The following CAST variants were observed in gnomAD, a reference collection of about 807,000 sequenced individuals.
CAST encodes the protein MIR583 host.
CAST carries 76 observed loss-of-function variants against 119.6 expected under a neutral mutation model. The observed-to-expected ratio is 0.64, with a 90% CI of 0.53 to 0.77. The LOEUF is 0.77. Among genes scored for constraint, CAST ranks in the 30% least tolerant of loss-of-function variants. The pLI is 0.00. For synonymous variants in CAST, 319 were observed against 331.6 expected, an observed-to-expected ratio of 0.96 and a Z score of 0.41; for missense variants, 953 against 946.5, an observed-to-expected ratio of 1.01 and a Z score of -0.09.
chr5:96,610,219 T>C (rs1041908791), intron 1 of CAST, among the ~76,000 whole-genome samples: 1 of 152,218 alleles, frequency 6.6e-6, no homozygotes, highest in Non-Finnish European at 1.5e-5. Context: ...TCCACCATGA[T>C]TGTGAGGCCT....
intron 29 of CAST, chr5:96,768,271 G>A: frequency 4.6e-6 from 2 of 433,302 alleles, no homozygotes; most frequent in Non-Finnish European, 8.6e-6. Flanking sequence ...TTTTTGTAGA[G>A]AGGGGGTTTC....
chr5:96,248,133 A>G, the CAST span: 16 of 152,374 alleles, frequency 1.1e-4, no homozygotes, highest in Admixed American at 9.8e-4. Flanking sequence ...GTTGTCACCA[A>G]GCATTCTTGG....
intron 1 of CAST, among the ~76,000 whole-genome samples, chr5:96,614,516 T>C (rs534610759): frequency 6.6e-6 from 1 of 152,286 alleles, no homozygotes; most frequent in South Asian, 2.1e-4. Context: ...TTTAGGTACT[T>C]AACCAAGAAA....
chr5:96,021,600 C>T, the CAST span, among the ~76,000 whole-genome samples: 980 of 152,220 alleles, frequency 6.4e-3, 9 homozygotes, highest in African/African-American at 0.022. Flanking sequence ...CGCCCGCCAC[C>T]ACGCCCAGCT....
At chr5:96,695,544 G>A (rs374208525) in intron 2 of CAST, among the ~76,000 whole-genome samples, 5 of 152,142 alleles carry the variant, frequency 3.3e-5, no homozygotes, top group African/African-American at 9.7e-5. Context: ...GCACTGTAAG[G>A]GTGAGTGAAG....
At chr5:96,393,223 C>A in the CAST span, 2 of 1,613,852 alleles carry the variant, frequency 1.2e-6, no homozygotes, top group Non-Finnish European at 1.7e-6. Flanking sequence ...ATTGCTTTGG[C>A]GGTGAGTTTT....
At chr5:96,219,023 A>G in the CAST span, among the ~76,000 whole-genome samples, 1 of 152,182 alleles carries the variant, frequency 6.6e-6, no homozygotes, top group Non-Finnish European at 1.5e-5. Flanking sequence ...GTGAGGAATA[A>G]ATGAAGCTGT....
chr5:96,191,643 C>T, the CAST span, among the ~76,000 whole-genome samples: 1 of 152,190 alleles, frequency 6.6e-6, no homozygotes, highest in Non-Finnish European at 1.5e-5. Flanking sequence ...TCACCAGGCT[C>T]ACTGCAACCT....
rs1267067922 is a variant in CAST at position 96,561,796 on chromosome 5, G to GTTTTTTTGTTTTTTTTTTTT, written c.60+31923_60+31924insGTTTTTTTTTTTTTTTTTTT. Among the ~76,000 whole-genome samples the GTTTTTTTGTTTTTTTTTTTT allele has an allele frequency of 6.2e-4, 60 of 97,398 alleles. 1 individual carries two copies. The highest frequency in any genetic ancestry group is 1.2e-3 in the African/African-American group (31 of 26,028). The allele number at this position is 97,398 out of a possible 152,430, so 63.9% of individuals were successfully genotyped here. A position where few individuals can be genotyped will look rare whatever the true frequency, so the allele number is the denominator to read the frequency against. ...GTGTATTATATATATGTTTTTTTTTGTTTTTTTTTTTTTTGAGACGGAGTC... is the reference window on the plus strand; with the variant it reads ...GTGTATTATATATATGTTTTTTTTTGTTTTTTTGTTTTTTTTTTTTTTTTTTTTTTTTTTGAGACGGAGTC... On this transcript the variant is annotated intron_variant, in intron 1 of 11. Coordinates refer to the CAST transcript ENST00000505143.
the CAST span, among the ~76,000 whole-genome samples, chr5:96,233,604 T>C: frequency 2.0e-5 from 3 of 152,158 alleles, no homozygotes; most frequent in African/African-American, 7.2e-5. Context: ...TCTGGACAGA[T>C]GGCAGATACA....
chr5:96,432,243 G>A, the CAST span: 11 of 900,628 alleles, frequency 1.2e-5, no homozygotes, highest in African/African-American at 1.7e-4. Context: ...AGATGGTCCC[G>A]TGTCTTTCAC....
rs1267819070 is a variant in CAST at position 96,773,693 on chromosome 5, A to ATATC, written c.*1079_*1082dup. ...TCCTACCACTTTGAATGGTTTTCTA[A>ATATC]TATCTTAATGAATAGTTCCTGAACA... On this transcript the variant is annotated 3_prime_UTR_variant, in exon 32 of 32. Transcript: ENST00000675179. 1 of 152,302 alleles carries ATATC rather than the reference A, an allele frequency of 6.6e-6. No homozygotes were observed. The highest frequency in any genetic ancestry group is 1.5e-5 in the Non-Finnish European group (1 of 68,040). The allele number at this position is 152,302 out of a possible 1,614,324, so 9.4% of individuals were successfully genotyped here. A position where few individuals can be genotyped will look rare whatever the true frequency, so the allele number is the denominator to read the frequency against.
chr5:96,710,399 T>C (rs981872037), intron 3 of CAST, among the ~76,000 whole-genome samples: 1 of 152,192 alleles, frequency 6.6e-6, no homozygotes, highest in African/African-American at 2.4e-5. Context: ...TCTGGGAATT[T>C]TAGAATTACG....
At chr5:96,535,564 A>ATTTTT (rs767087154) in intron 1 of CAST, among the ~76,000 whole-genome samples, 3 of 88,400 alleles carry the variant, frequency 3.4e-5, no homozygotes, top group Non-Finnish European at 4.0e-5. Flanking sequence ...TAAATAAACA[A>ATTTTT]TTTTTTTTTT....
the CAST span, among the ~76,000 whole-genome samples, chr5:96,351,694 A>G: frequency 1.3e-5 from 2 of 150,338 alleles, no homozygotes; most frequent in Admixed American, 1.3e-4. Flanking sequence ...TGTGGGTGTA[A>G]TGAGAAAAAA....
the CAST span, among the ~76,000 whole-genome samples, chr5:96,139,998 G>T: frequency 2.0e-4 from 30 of 152,166 alleles, no homozygotes; most frequent in African/African-American, 6.3e-4. Context: ...AAGTCTTAGT[G>T]TACCATTATT....
At chr5:96,011,196 T>C in the CAST span, among the ~76,000 whole-genome samples, 45 of 152,276 alleles carry the variant, frequency 3.0e-4, no homozygotes, top group African/African-American at 1.1e-3. Context: ...ATTATGAAAT[T>C]TCCTGTTTGG....
the CAST span, among the ~76,000 whole-genome samples, chr5:96,404,175 A>G: frequency 1.3e-5 from 2 of 152,158 alleles, no homozygotes; most frequent in Non-Finnish European, 2.9e-5. Context: ...GTTTCTACAC[A>G]AACACAGGTG....
At chr5:96,702,779 C>G (rs771795741) in intron 3 of CAST, 69 of 985,354 alleles carry the variant, frequency 7.0e-5, no homozygotes, top group Non-Finnish European at 8.3e-5. Flanking sequence ...CGTCGCCTTC[C>G]CGGGACCGCC....
Sources: gnomAD v4.1 joint callset for allele counts (sites outside exome capture counted in the v4.1 genomes callset) on GRCh38, gnomAD v4.1.1 for gene constraint, MANE v1.5 for transcripts, NCBI Gene and HGNC (gene_info 2026-07-23, HGNC 2026-07-21) for gene names.